The following SHC4 variants were observed in gnomAD, a reference collection of about 807,000 sequenced individuals.
SHC4 encodes SHC adaptor protein 4, also known as SHC-transforming protein 4.
A neutral mutation model predicts 69.4 loss-of-function variants in SHC4; 41 were observed. That is an observed-to-expected ratio of 0.59 (90% CI 0.46 to 0.77). The LOEUF (loss-of-function observed/expected upper bound fraction) is 0.77, where lower values mean the gene tolerates loss of function less well. Among genes scored for constraint, SHC4 ranks in the 30% least tolerant of loss-of-function variants. The pLI is 0.00. For synonymous variants in SHC4, 318 were observed against 299.3 expected, an observed-to-expected ratio of 1.06 and a Z score of -0.64; for missense variants, 777 against 783.8, an observed-to-expected ratio of 0.99 and a Z score of 0.10.
chr15:48,852,168 G>A (rs1192142239), intron 8 of SHC4, among the ~76,000 whole-genome samples: 1 of 152,206 alleles, frequency 6.6e-6, no homozygotes, highest in Non-Finnish European at 1.5e-5. Context: ...AGATACATAA[G>A]AGCCAAAGAC....
chr15:48,846,907 C>T (rs1241394130), intron 9 of SHC4, among the ~76,000 whole-genome samples: 2 of 151,858 alleles, frequency 1.3e-5, no homozygotes, highest in African/African-American at 2.4e-5. Flanking sequence ...TTTACCATCC[C>T]GTAGGATGAC....
chr15:48,890,696 A>G, intron 3 of SHC4, 52 bp downstream of exon 3: 1 of 1,602,088 alleles, frequency 6.2e-7, no homozygotes, highest in East Asian at 2.2e-5. Flanking sequence ...TTTTCATACT[A>G]TCTTTGCCAT....
chr15:48,878,233 G>T (rs1206442307), intron 4 of SHC4: 1 of 1,608,272 alleles, frequency 6.2e-7, no homozygotes, highest in Admixed American at 1.7e-5. Flanking sequence ...ACCTGCAGAT[G>T]GATGTGATGC....
intron 2 of SHC4, among the ~76,000 whole-genome samples, chr15:48,894,969 T>A (rs1188599523): frequency 1.3e-5 from 2 of 151,948 alleles, no homozygotes; most frequent in African/African-American, 4.8e-5. Flanking sequence ...ATTTTTTCTT[T>A]TCCTTTTTTA....
chr15:48,958,695 T>C (rs1187739811), intron 1 of SHC4, among the ~76,000 whole-genome samples: 1 of 152,210 alleles, frequency 6.6e-6, no homozygotes, highest in Non-Finnish European at 1.5e-5. Flanking sequence ...TGTCACGTTG[T>C]AGATTTTCCA....
chr15:48,851,435 C>T (rs1045612421), intron 8 of SHC4, among the ~76,000 whole-genome samples, 187 bp from the exon 9 acceptor site: 1 of 152,078 alleles, frequency 6.6e-6, no homozygotes, highest in Admixed American at 6.5e-5. Context: ...TAGTTCATCG[C>T]CTTGGAGCTG....
chr15:48,878,414 A>C (rs772982315), intron 4 of SHC4: 2 of 1,612,184 alleles, frequency 1.2e-6, no homozygotes, highest in Admixed American at 3.4e-5. Context: ...TAACGGGCCC[A>C]ACGCTGGGGA....
At chr15:48,905,719 C>T (rs1257255195) in intron 2 of SHC4, among the ~76,000 whole-genome samples, 1 of 152,198 alleles carries the variant, frequency 6.6e-6, no homozygotes, top group Non-Finnish European at 1.5e-5. Context: ...GTGTTTTAAT[C>T]TCTGAATTAA....
chr15:48,951,307 T>C (rs1272614897), intron 1 of SHC4, among the ~76,000 whole-genome samples: 1 of 151,944 alleles, frequency 6.6e-6, no homozygotes, highest in Admixed American at 6.6e-5. Flanking sequence ...GCTGGTGGCT[T>C]CTTCCTCCCT....
At chr15:48,895,494 C>G (rs1394226670) in intron 2 of SHC4, among the ~76,000 whole-genome samples, 1 of 152,104 alleles carries the variant, frequency 6.6e-6, no homozygotes, top group Non-Finnish European at 1.5e-5. Flanking sequence ...GTAAACTACC[C>G]AGGCAAAAGG....
chr15:48,940,680 G>A (rs942575051), intron 1 of SHC4, among the ~76,000 whole-genome samples: 6 of 152,178 alleles, frequency 3.9e-5, no homozygotes, highest in African/African-American at 1.4e-4. Context: ...GACTTTGCAT[G>A]TTCAATGTGT....
chr15:48,823,844 G>C lies in SHC4; in HGVS notation c.*2127C>G, dbSNP rs1898643162. On this transcript the variant is annotated 3_prime_UTR_variant, in exon 12 of 12. Coordinates refer to ENST00000332408, the MANE Select transcript of SHC4 (RefSeq NM_203349.4). Reference sequence around the variant, plus strand: ...AGATAAAGAATGTGAGATTAAAATAGCATGCAGACATTCCTTTTATTGTTT... The same window carrying C: ...AGATAAAGAATGTGAGATTAAAATACCATGCAGACATTCCTTTTATTGTTT... 1 of 152,106 alleles carries C rather than the reference G, an allele frequency of 6.6e-6. No individual in the cohort carries two copies. The highest frequency in any genetic ancestry group is 6.5e-5 in the Admixed American group (1 of 15,274). 9.4% of individuals were successfully genotyped at this position (152,106 alleles called of 1,614,324 possible).
chr15:48,879,084 T>C (rs1242662159), intron 4 of SHC4: 3 of 209,740 alleles, frequency 1.4e-5, no homozygotes, highest in African/African-American at 2.3e-5. Context: ...CAAGAATAAG[T>C]CATGACCAAG....
chr15:48,887,045 A>G (rs534896825), intron 3 of SHC4, among the ~76,000 whole-genome samples: 1 of 152,220 alleles, frequency 6.6e-6, no homozygotes, highest in Non-Finnish European at 1.5e-5. Context: ...CTTCTACTCT[A>G]TGTCGCATAG....
At chr15:48,873,631 C>G (rs538107796) in intron 4 of SHC4, among the ~76,000 whole-genome samples, 1 of 152,132 alleles carries the variant, frequency 6.6e-6, no homozygotes, top group Non-Finnish European at 1.5e-5. Context: ...GTCCCCGCTA[C>G]TCAGGAGTCT....
rs776487496 is a variant in SHC4, at chr15:48,963,359, G to A, written c.-344C>T. The A allele has an allele frequency of 2.5e-5, 7 of 276,740 alleles. No individual in the cohort carries two copies. The highest frequency in any genetic ancestry group is 9.0e-5 in the South Asian group (1 of 11,080). The allele number at this position is 276,740 out of a possible 1,614,324, so 17.1% of individuals were successfully genotyped here. On this transcript the variant is annotated 5_prime_UTR_variant, in exon 1 of 12. Coordinates refer to ENST00000332408, the MANE Select transcript of SHC4 (RefSeq NM_203349.4). ...GCAGAACCCGGGCGAGCGCCGGTCGGGGGGCCCGCTGCATCACTAGCCTTG... is the reference window on the plus strand; with the variant it reads ...GCAGAACCCGGGCGAGCGCCGGTCGAGGGGCCCGCTGCATCACTAGCCTTG...
At chr15:48,960,982 A>G (rs1366612753) in intron 1 of SHC4, among the ~76,000 whole-genome samples, 2 of 152,150 alleles carry the variant, frequency 1.3e-5, no homozygotes, top group Non-Finnish European at 2.9e-5. Flanking sequence ...ATAAATGTTC[A>G]CTACTCTATT....
At chr15:48,876,851 T>G (rs2140997253) in intron 4 of SHC4, 1 of 289,260 alleles carries the variant, frequency 3.5e-6, no homozygotes, top group South Asian at 5.5e-5. Flanking sequence ...GACACACCAA[T>G]GATCAATACT....
At chr15:48,869,364 C>G (rs1899623032) in intron 5 of SHC4, among the ~76,000 whole-genome samples, 1 of 152,146 alleles carries the variant, frequency 6.6e-6, no homozygotes, top group Non-Finnish European at 1.5e-5. Flanking sequence ...TGGAGGAAAT[C>G]TTGTAGAAAG....
Sources: gnomAD v4.1 joint callset for allele counts (sites outside exome capture counted in the v4.1 genomes callset) on GRCh38, gnomAD v4.1.1 for gene constraint, MANE v1.5 for transcripts, NCBI Gene and HGNC (gene_info 2026-07-23, HGNC 2026-07-21) for gene names.